The following SEC24D variants were observed in gnomAD, a reference collection of about 807,000 sequenced individuals.
SEC24D encodes the protein SEC24 homolog D, COPII component, also known as protein transport protein Sec24D.
A neutral mutation model predicts 116.9 loss-of-function variants in SEC24D; 69 were observed. The observed-to-expected ratio is 0.59, with a 90% confidence interval of 0.49 to 0.72. The LOEUF (loss-of-function observed/expected upper bound fraction) is 0.72. SEC24D is among the 30% of genes least tolerant of loss of function. The pLI, the probability that SEC24D is intolerant of heterozygous loss-of-function variation, is 0.00. For missense variants in SEC24D, 1,131 were observed against 1,264.1 expected (o/e 0.89, Z 1.60); for synonymous variants, 405 against 442.8 (o/e 0.91, Z 1.07).
chr4:118,771,258 T>C (rs1009379177), intron 8 of SEC24D, among the ~76,000 whole-genome samples: 1 of 152,218 alleles, frequency 6.6e-6, no homozygotes, highest in Non-Finnish European at 1.5e-5. Context: ...CTCAGAAATA[T>C]TTTCAGATTT....
intron 9 of SEC24D, among the ~76,000 whole-genome samples, chr4:118,765,587 A>G (rs979778622): frequency 6.6e-6 from 1 of 152,256 alleles, no homozygotes; most frequent in African/African-American, 2.4e-5. Context: ...GTATCTCTGT[A>G]AAAACGAACT....
chr4:118,817,769 C>T (rs1730215984), intron 3 of SEC24D, among the ~76,000 whole-genome samples: 1 of 152,066 alleles, frequency 6.6e-6, no homozygotes, highest in African/African-American at 2.4e-5. Context: ...CCAGGAGCAG[C>T]GGCTCATGCC....
Position 118,723,452 on chromosome 4 carries a change from A to T in SEC24D, c.*63T>A. Reference sequence around the variant, plus strand: ...AAACTAGCCTATTATCATCTAGAAAATTAGGCACCAAGAAGGAGATTATCT... The same window carrying T: ...AAACTAGCCTATTATCATCTAGAAATTTAGGCACCAAGAAGGAGATTATCT... On this transcript the variant is annotated 3_prime_UTR_variant, in exon 23 of 23. Transcript: ENST00000280551. 1 of 1,509,436 alleles carries T rather than the reference A, an allele frequency of 6.6e-7. No homozygotes were observed. Among genetic ancestry groups the T allele is most frequent in the Non-Finnish European group, 9.0e-7 (1 of 1,112,574 alleles). The allele number at this position is 1,509,436 out of a possible 1,614,324, so 93.5% of individuals were successfully genotyped here. A position where few individuals can be genotyped will look rare whatever the true frequency, so the allele number is the denominator to read the frequency against.
At chr4:118,743,901 G>A (rs975565126) in intron 15 of SEC24D, 87 bp downstream of exon 15, 14 of 1,224,682 alleles carry the variant, frequency 1.1e-5, no homozygotes, top group African/African-American at 6.1e-5. Context: ...CTACCCACCA[G>A]GGAACACAGC....
chr4:118,790,601 G>A (rs1290799873), intron 8 of SEC24D, among the ~76,000 whole-genome samples: 1 of 151,904 alleles, frequency 6.6e-6, no homozygotes. Context: ...AATTTAAAAC[G>A]TATGGTAAGG....
intron 8 of SEC24D, among the ~76,000 whole-genome samples, chr4:118,779,836 G>A (rs143534739): frequency 0.011 from 1,653 of 152,292 alleles, 18 homozygotes; most frequent in Non-Finnish European, 0.018. Context: ...TCTTGGGAGG[G>A]TGTATGTGTT....
intron 10 of SEC24D, among the ~76,000 whole-genome samples, chr4:118,761,655 G>T (rs865914814): frequency 1.3e-5 from 2 of 152,182 alleles, no homozygotes; most frequent in Non-Finnish European, 2.9e-5. Context: ...ATTTGAATTT[G>T]AATATGTTTT....
chr4:118,777,385 GAC>G (rs1231232255), intron 8 of SEC24D, among the ~76,000 whole-genome samples: 1 of 152,114 alleles, frequency 6.6e-6, no homozygotes, highest in Non-Finnish European at 1.5e-5. Flanking sequence ...CTGTCCTTGT[GAC>G]AGTTTGCTCA....
chr4:118,806,033 C>T, intron 6 of SEC24D, 79 bp from the exon 7 acceptor site: 1 of 842,332 alleles, frequency 1.2e-6, no homozygotes, highest in Non-Finnish European at 1.9e-6. Context: ...TACCCTTGCT[C>T]TCTCCTCCCT....
intron 6 of SEC24D, among the ~76,000 whole-genome samples, chr4:118,812,819 G>T (rs928683953): frequency 6.6e-6 from 1 of 152,156 alleles, no homozygotes; most frequent in Non-Finnish European, 1.5e-5. Flanking sequence ...TAATTGAGCT[G>T]GTTAATACAA....
At chr4:118,828,103 G>A (rs1304885052) in intron 2 of SEC24D, among the ~76,000 whole-genome samples, 2 of 151,572 alleles carry the variant, frequency 1.3e-5, no homozygotes, top group Non-Finnish European at 1.5e-5. Context: ...CTAGGTTCAG[G>A]ACATTAATAC....
intron 8 of SEC24D, chr4:118,769,616 G>A (rs1001386000): frequency 2.6e-5 from 4 of 152,172 alleles, no homozygotes; most frequent in East Asian, 3.8e-4. Flanking sequence ...CAAAGTGAAA[G>A]CTGAGGTTTC....
At chr4:118,830,767 A>T (rs1730815644) in intron 2 of SEC24D, among the ~76,000 whole-genome samples, 1 of 152,160 alleles carries the variant, frequency 6.6e-6, no homozygotes, top group African/African-American at 2.4e-5. Context: ...TAGAATACAA[A>T]AGAATTCAAA....
At position 118,744,007 on chromosome 4, in the gene SEC24D, T is replaced by C; in HGVS notation, c.1976A>G (p.Tyr659Cys). ...LVPQLTGGTLYKYNNFQMHLD... is the reference protein window; with the variant it reads ...LVPQLTGGTLCKYNNFQMHLD... The stretch of plus-strand genomic sequence containing the variant: ...ATTTACCTGGAAATTGTTGTATTTG[T>C]AAAGGGTTCCTCCAGTGAGCTGAGG... The change falls in exon 15 of 23, where the codon TAC (tyrosine) becomes TGC (cysteine). Residue 659 changes from tyrosine (Y) to cysteine (C), a missense_variant. Tyr to Cys is a radical substitution (Grantham distance 194). Coordinates refer to ENST00000280551, the MANE Select transcript of SEC24D (RefSeq NM_014822.4). 6.2e-7 allele frequency: 1 copy of C among 1,601,026 alleles called. No homozygotes were observed. Among genetic ancestry groups the C allele is most frequent in the Non-Finnish European group, 8.5e-7 (1 of 1,176,116 alleles).
chr4:118,786,540 T>A (rs1453853233), intron 8 of SEC24D, among the ~76,000 whole-genome samples: 1 of 152,230 alleles, frequency 6.6e-6, no homozygotes, highest in African/African-American at 2.4e-5. Context: ...GTATAGATAG[T>A]ATATTTCATT....
intron 14 of SEC24D, among the ~76,000 whole-genome samples, chr4:118,744,714 C>A (rs1045845291): frequency 6.6e-6 from 1 of 152,202 alleles, no homozygotes; most frequent in Admixed American, 6.5e-5. Flanking sequence ...CATGAGCCAC[C>A]GCGCCCAGCC....
intron 8 of SEC24D, among the ~76,000 whole-genome samples, chr4:118,784,146 C>T (rs1279338358): frequency 1.3e-5 from 2 of 152,086 alleles, no homozygotes; most frequent in East Asian, 3.9e-4. Flanking sequence ...TTTGGGCACA[C>T]AGCCAAAAAT....
chr4:118,833,284 G>T (rs1180093555), intron 2 of SEC24D: 2 of 228,296 alleles, frequency 8.8e-6, no homozygotes, highest in Admixed American at 5.6e-5. Context: ...TTTATTCAAT[G>T]TTTACAATAG....
At position 118,835,553 on chromosome 4, in the gene SEC24D, T is replaced by C. The variant is rs189924880; in HGVS notation, c.-42+388A>G. 4.1e-3 allele frequency among the ~76,000 whole-genome samples: 619 copies of C among 152,328 alleles called. 4 individuals carry two copies. The highest frequency in any genetic ancestry group is 0.014 in the African/African-American group (576 of 41,566). On this transcript the variant is annotated intron_variant, in intron 1 of 22. Transcript: ENST00000280551. ...TCGGATGTCCCGAGGCTTCAAGATA[T>C]AGTTGCCATTTTTACCATGAATATT...
Sources: allele counts gnomAD v4.1 joint callset (sites outside exome capture counted in the v4.1 genomes callset), GRCh38; gene constraint gnomAD v4.1.1; transcripts MANE v1.5; gene names NCBI Gene and HGNC (gene_info 2026-07-23, HGNC 2026-07-21).